The following DDAH1 variants were observed in gnomAD, a reference collection of about 807,000 sequenced individuals.
The protein encoded by DDAH1 is N(G),N(G)-dimethylarginine dimethylaminohydrolase 1.
Under a neutral mutation model 28.8 loss-of-function variants are expected in DDAH1, and 19 were observed. The ratio of observed to expected loss-of-function variants is 0.66; its 90% confidence interval spans 0.46 to 0.97. The LOEUF (loss-of-function observed/expected upper bound fraction) is 0.97, where lower values mean the gene tolerates loss of function less well. Among genes scored for constraint, DDAH1 ranks in the 50% least tolerant of loss-of-function variants. The pLI, the probability that DDAH1 is intolerant of heterozygous loss-of-function variation, is 0.00. For missense variants in DDAH1, 326 were observed against 375.9 expected (o/e 0.87, Z 1.10); for synonymous variants, 153 against 154.4 (o/e 0.99, Z 0.07).
Position 85,416,840 on chromosome 1 carries a change from G to GC in DDAH1, c.303+47902_303+47903insG, listed in dbSNP as rs960442221. ...ACATCACTACATCCAGCTAATTTTT[G>GC]TTTTTTTTGTAGAGACGGGGTTTCG... On this transcript the variant is annotated intron_variant, in intron 1 of 5. Transcript: ENST00000284031. Among the ~76,000 whole-genome samples, 157 of 151,256 alleles carry GC rather than the reference G, an allele frequency of 1.0e-3. 2 individuals are homozygous for GC. Among genetic ancestry groups the GC allele is most frequent in the Middle Eastern group, 0.01 (3 of 294 alleles).
intron 1 of DDAH1, among the ~76,000 whole-genome samples, chr1:85,563,970 G>A (rs1258224999): frequency 9.9e-5 from 15 of 152,234 alleles, no homozygotes; most frequent in East Asian, 3.9e-4. Context: ...TCAGGAGATC[G>A]AAACCATCCT....
At chr1:85,392,226 C>T (rs1323102965) in intron 1 of DDAH1, among the ~76,000 whole-genome samples, 1 of 152,086 alleles carries the variant, frequency 6.6e-6, no homozygotes, top group African/African-American at 2.4e-5. Flanking sequence ...TTCTAGGCCT[C>T]GTTCCTTGGC....
At chr1:85,389,278 A>G (rs1383297308) in intron 1 of DDAH1, among the ~76,000 whole-genome samples, 3 of 152,218 alleles carry the variant, frequency 2.0e-5, no homozygotes, top group Admixed American at 6.5e-5. Flanking sequence ...AAAAAATAAA[A>G]ATAAAAGTTG....
intron 1 of DDAH1, among the ~76,000 whole-genome samples, chr1:85,546,206 A>C (rs1178631884): frequency 1.3e-5 from 2 of 151,484 alleles, no homozygotes; most frequent in Non-Finnish European, 2.9e-5. Flanking sequence ...TTAAGAGGTG[A>C]TTAGGCCATG....
chr1:85,354,395 C>G (rs1195159959), intron 2 of DDAH1, among the ~76,000 whole-genome samples: 1 of 151,860 alleles, frequency 6.6e-6, no homozygotes. Flanking sequence ...CAGCCTGATT[C>G]CCTCATTATA....
exon 1 of DDAH1, chr1:85,578,068 G>A: frequency 1.0e-6 from 1 of 960,798 alleles, no homozygotes; most frequent in Non-Finnish European, 1.2e-6. Flanking sequence ...AAGGCGACGG[G>A]AGGCTGGGGT....
In DDAH1 at chr1:85,550,720, T is replaced by G. The variant is rs550529098; in HGVS notation, c.-123+27264A>C. On this transcript the variant is annotated intron_variant, in intron 1 of 6. Transcript: ENST00000426972. ...ACAGACCATTGTTTAATAAGCCCAG[T>G]GAATAACCCAAGTAAGTAATAATAA... Among the ~76,000 whole-genome samples the G allele has an allele frequency of 1.3e-5, 2 of 151,888 alleles. 1 individual carries two copies. The highest frequency in any genetic ancestry group is 2.9e-5 in the Non-Finnish European group (2 of 67,988).
intron 1 of DDAH1, among the ~76,000 whole-genome samples, chr1:85,534,930 G>C (rs1379951265): frequency 6.6e-6 from 1 of 152,000 alleles, no homozygotes; most frequent in Non-Finnish European, 1.5e-5. Context: ...TTTGAACTTT[G>C]TTGTGTATAC....
intron 1 of DDAH1, among the ~76,000 whole-genome samples, chr1:85,433,769 C>T (rs896196400): frequency 6.6e-6 from 1 of 151,992 alleles, no homozygotes; most frequent in Non-Finnish European, 1.5e-5. Flanking sequence ...TATTTGTAGC[C>T]TAAGCTATGT....
At chr1:85,462,751 C>T (rs544322294) in intron 1 of DDAH1, among the ~76,000 whole-genome samples, 377 of 152,318 alleles carry the variant, frequency 2.5e-3, no homozygotes, top group Middle Eastern at 6.8e-3. Context: ...ATTCCTCTCC[C>T]TGCCTGGGAG....
In DDAH1 at chr1:85,324,833, A is replaced by T. The variant is rs375975533; in HGVS notation, c.648T>A (p.Asp216Glu). 1.2e-6 allele frequency: 2 copies of T among 1,613,988 alleles called. No individual in the cohort carries two copies. The highest frequency in any genetic ancestry group is 2.7e-5 in the African/African-American group (2 of 74,884). ...GATATATACAGTTTGCTGCTATGTC[A>T]TCAGGCACAGTGAGTTTGTCGTAGC... ...DHRYDKLTVP[D>E]DIAANCIYLN... Residue 216 changes from aspartate to glutamate, a missense_variant, in exon 5 of 6, where the codon GAT becomes GAA. Transcript: ENST00000284031.
chr1:85,549,139 T>G (rs80316068), intron 1 of DDAH1, among the ~76,000 whole-genome samples: 1 of 152,202 alleles, frequency 6.6e-6, no homozygotes, highest in African/African-American at 2.4e-5. Context: ...TATGAAAGCA[T>G]GGGTTTTCAT....
At chr1:85,341,135 T>C (rs1288672397) in intron 4 of DDAH1, among the ~76,000 whole-genome samples, 1 of 152,230 alleles carries the variant, frequency 6.6e-6, no homozygotes, top group Non-Finnish European at 1.5e-5. Context: ...TAATGTTCTC[T>C]CTTGTTTCTC....
intron 1 of DDAH1, among the ~76,000 whole-genome samples, chr1:85,439,865 A>G (rs1352162204): frequency 1.3e-5 from 2 of 152,254 alleles, no homozygotes; most frequent in Non-Finnish European, 2.9e-5. Context: ...TCAGACTGAT[A>G]GAAAAGCAAA....
chr1:85,540,032 T>G (rs1245344718), intron 1 of DDAH1, among the ~76,000 whole-genome samples: 2 of 152,120 alleles, frequency 1.3e-5, no homozygotes, highest in Non-Finnish European at 2.9e-5. Context: ...TTTCTATCAA[T>G]TATGAATATT....
At chr1:85,368,135 A>G (rs1650171576) in intron 1 of DDAH1, among the ~76,000 whole-genome samples, 1 of 152,184 alleles carries the variant, frequency 6.6e-6, no homozygotes, top group African/African-American at 2.4e-5. Context: ...CATCCTGCCT[A>G]TAGAAGACAG....
intron 1 of DDAH1, among the ~76,000 whole-genome samples, chr1:85,554,811 A>G (rs75485185): frequency 0.02 from 3,040 of 152,326 alleles, 107 homozygotes; most frequent in African/African-American, 0.07. Flanking sequence ...GCTAATCACT[A>G]CAGTACCTCA....
chr1:85,413,172 G>A (rs749610007), intron 1 of DDAH1, among the ~76,000 whole-genome samples: 7 of 152,132 alleles, frequency 4.6e-5, no homozygotes, highest in Non-Finnish European at 1.0e-4. Context: ...AGGAAATTTA[G>A]TGCACTTTAA....
intron 1 of DDAH1, among the ~76,000 whole-genome samples, chr1:85,503,572 T>A (rs1656904486): frequency 6.6e-6 from 1 of 151,266 alleles, no homozygotes; most frequent in Non-Finnish European, 1.5e-5. Context: ...TATCTATCCA[T>A]CTATCTATCC....
Sources: allele counts gnomAD v4.1 joint callset (sites outside exome capture counted in the v4.1 genomes callset), GRCh38; gene constraint gnomAD v4.1.1; transcripts MANE v1.5; gene names NCBI Gene and HGNC (gene_info 2026-07-23, HGNC 2026-07-21).